Variants in IQGAP2 observed in about 807,000 individuals in gnomAD.
The protein encoded by IQGAP2 is IQ motif containing GTPase activating protein 2, also known as ras GTPase-activating-like protein IQGAP2.
IQGAP2 carries 173 observed loss-of-function variants against 201.3 expected under a neutral mutation model. The observed-to-expected ratio is 0.86, with a 90% CI of 0.76 to 0.98. IQGAP2 has a LOEUF of 0.98. IQGAP2 is among the 50% of genes least tolerant of loss of function. The pLI is 0.00. For synonymous variants in IQGAP2, 675 were observed against 673.9 expected (o/e 1.00, Z -0.03); for missense variants, 1,687 against 1,864.8 (o/e 0.90, Z 1.76).
chr5:76,452,726 C>T (rs1753835431), intron 1 of IQGAP2, among the ~76,000 whole-genome samples: 1 of 152,090 alleles, frequency 6.6e-6, no homozygotes, highest in Non-Finnish European at 1.5e-5. Context: ...CATTTACATG[C>T]AGGGAGATAG....
intron 1 of IQGAP2, among the ~76,000 whole-genome samples, chr5:76,446,839 G>A (rs1433098814): frequency 1.3e-5 from 2 of 152,106 alleles, no homozygotes; most frequent in East Asian, 1.9e-4. Context: ...TAGCCCATCC[G>A]TGAAAAAAGA....
chr5:76,438,524 C>A (rs1752847456), intron 1 of IQGAP2, among the ~76,000 whole-genome samples: 1 of 152,020 alleles, frequency 6.6e-6, no homozygotes, highest in African/African-American at 2.4e-5. Flanking sequence ...CTCACTGCAA[C>A]CTCCACCTCC....
intron 17 of IQGAP2, among the ~76,000 whole-genome samples, chr5:76,645,144 C>G (rs1035591012): frequency 3.9e-5 from 6 of 152,112 alleles, no homozygotes; most frequent in South Asian, 2.1e-4. Context: ...ATGATGGTTT[C>G]CAGCTTCATC....
intron 2 of IQGAP2, among the ~76,000 whole-genome samples, chr5:76,551,230 A>G (rs1291495462): frequency 1.4e-5 from 2 of 138,906 alleles, no homozygotes; most frequent in Admixed American, 7.2e-5. Flanking sequence ...GGCAGAGGCA[A>G]TCCTCACATC....
At chr5:76,664,183 A>T (rs1051143500) in intron 21 of IQGAP2, among the ~76,000 whole-genome samples, 1 of 152,204 alleles carries the variant, frequency 6.6e-6, no homozygotes, top group Admixed American at 6.5e-5. Context: ...AAAGTGAAAG[A>T]TGTGTAACTT....
At chr5:76,522,206 G>A (rs573158362) in intron 2 of IQGAP2, among the ~76,000 whole-genome samples, 20 of 149,002 alleles carry the variant, frequency 1.3e-4, no homozygotes, top group East Asian at 7.9e-4. Flanking sequence ...TTCTAAAGGC[G>A]GAGTGTTTCT....
chr5:76,527,355 A>G (rs1759033313), intron 2 of IQGAP2, among the ~76,000 whole-genome samples: 1 of 152,170 alleles, frequency 6.6e-6, no homozygotes, highest in African/African-American at 2.4e-5. Context: ...GGAGCTGCTT[A>G]AGGACCTGAA....
At chr5:76,442,677 T>C (rs1430274879) in intron 1 of IQGAP2, among the ~76,000 whole-genome samples, 1 of 152,142 alleles carries the variant, frequency 6.6e-6, no homozygotes, top group East Asian at 1.9e-4. Flanking sequence ...TTCTTTCTTA[T>C]TTCTCCTACA....
intron 2 of IQGAP2, among the ~76,000 whole-genome samples, chr5:76,541,033 A>G (rs1389415247): frequency 1.3e-5 from 2 of 152,360 alleles, no homozygotes; most frequent in Middle Eastern, 3.4e-3. Context: ...TGAAATATAT[A>G]TAATGTAAAA....
At chr5:76,638,902 C>A (rs1194341621) in intron 16 of IQGAP2, among the ~76,000 whole-genome samples, 2 of 152,112 alleles carry the variant, frequency 1.3e-5, no homozygotes, top group Non-Finnish European at 2.9e-5. Context: ...AGTTGGTGGG[C>A]AGCCATGAAG....
chr5:76,488,077 T>C (rs1414698805), intron 2 of IQGAP2, among the ~76,000 whole-genome samples: 1 of 152,224 alleles, frequency 6.6e-6, no homozygotes, highest in East Asian at 1.9e-4. Flanking sequence ...GTGGTTTTCT[T>C]GGGGAATGAT....
chr5:76,478,377 G>A (rs1012008863), intron 2 of IQGAP2, among the ~76,000 whole-genome samples: 2 of 152,206 alleles, frequency 1.3e-5, no homozygotes, highest in South Asian at 2.1e-4. Context: ...CTTCAGCCTA[G>A]GAGACAGTGA....
chr5:76,422,478 A>G (rs557171916), intron 1 of IQGAP2, among the ~76,000 whole-genome samples: 4 of 152,326 alleles, frequency 2.6e-5, no homozygotes, highest in Admixed American at 2.0e-4. Flanking sequence ...ACTCCATGCA[A>G]CCAAGTGGTT....
At chr5:76,628,736 C>T (rs1276467243) in intron 14 of IQGAP2, 1 of 456,076 alleles carries the variant, frequency 2.2e-6, no homozygotes, top group Admixed American at 2.3e-5. Flanking sequence ...GGCTTTATCT[C>T]CTTAGCTTAG....
intron 2 of IQGAP2, among the ~76,000 whole-genome samples, chr5:76,560,155 A>G (rs1382163051): frequency 1.3e-5 from 2 of 152,062 alleles, no homozygotes; most frequent in Admixed American, 6.6e-5. Context: ...TGCAATAGGA[A>G]CTTAATTATT....
intron 13 of IQGAP2, chr5:76,618,584 A>G: frequency 1.2e-6 from 2 of 1,614,088 alleles, no homozygotes; most frequent in Non-Finnish European, 1.7e-6. Context: ...GGGGAGCTCC[A>G]CGAAAGGTCT....
chr5:76,644,381 C>T (rs1382110161), intron 17 of IQGAP2, among the ~76,000 whole-genome samples: 4 of 145,904 alleles, frequency 2.7e-5, no homozygotes, highest in African/African-American at 1.0e-4. Context: ...CTCACTGCAA[C>T]CTCCACCTCC....
At chr5:76,547,967 A>G (rs1044786947) in intron 2 of IQGAP2, among the ~76,000 whole-genome samples, 1 of 152,210 alleles carries the variant, frequency 6.6e-6, no homozygotes, top group African/African-American at 2.4e-5. Context: ...TCTGTGGAGA[A>G]CAGTGTGATA....
chr5:76,658,322 G>A lies in IQGAP2; in HGVS notation c.2321-137G>A. ...CCAGATTTTAAATTGTGTGGGGGTG[G>A]GTAGAATGATTCTCACCCTAGACCA... On this transcript the variant is annotated intron_variant, in intron 20 of 35. Coordinates refer to ENST00000274364, the MANE Select transcript of IQGAP2 (RefSeq NM_006633.5). 3 of 714,446 alleles carry A rather than the reference G, an allele frequency of 4.2e-6. No individual in the cohort carries two copies. The South Asian group carries it at 4.9e-5, about 12-fold the overall frequency. The allele number at this position is 714,446 out of a possible 1,614,324, so 44.3% of individuals were successfully genotyped here.
Sources: gnomAD v4.1 joint callset for allele counts (sites outside exome capture counted in the v4.1 genomes callset) on GRCh38, gnomAD v4.1.1 for gene constraint, MANE v1.5 for transcripts, NCBI Gene and HGNC (gene_info 2026-07-23, HGNC 2026-07-21) for gene names.